FGF13: variants seen among roughly 807,000 people sequenced by gnomAD.
FGF13 encodes the protein fibroblast growth factor homologous factor 2.
In FGF13, 2 loss-of-function variants were observed where a neutral mutation model predicts 19.5. The observed-to-expected ratio is 0.10, with a 90% CI of 0.04 to 0.32. The LOEUF (loss-of-function observed/expected upper bound fraction) is 0.32, where lower values mean the gene tolerates loss of function less well. Ranked by LOEUF, FGF13 falls within the 10% of genes least tolerant of loss-of-function variation. The probability of loss-of-function intolerance (pLI) is 1.00; values close to 1 mark genes in which losing one functional copy is unlikely to be tolerated. For synonymous variants in FGF13, 72 were observed against 76.9 expected (o/e 0.94, Z 0.33); for missense variants, 113 against 192.7 (o/e 0.59, Z 2.45).
chrX:138,817,567 G>C (rs895236826), intron 3 of FGF13, among the ~76,000 whole-genome samples: 5 of 111,520 alleles, frequency 4.5e-5, no homozygotes, highest in African/African-American at 6.5e-5. Flanking sequence ...AAATGTCAGT[G>C]GTGTGTCATG....
At chrX:138,998,941 C>A (rs1257398656) in intron 1 of FGF13, among the ~76,000 whole-genome samples, 1 of 112,055 alleles carries the variant, frequency 8.9e-6, no homozygotes, top group African/African-American at 3.3e-5. Context: ...GGAAGTAAAG[C>A]ATTCCTCAGC....
At chrX:138,914,522 G>A (rs1053581773) in intron 1 of FGF13, among the ~76,000 whole-genome samples, 2 of 109,420 alleles carry the variant, frequency 1.8e-5, no homozygotes, top group African/African-American at 3.3e-5. Flanking sequence ...TCATCTCTGC[G>A]TTTTTCTTTA....
intron 3 of FGF13, among the ~76,000 whole-genome samples, chrX:138,800,723 C>G (rs7067113): frequency 1.8e-5 from 2 of 111,598 alleles, no homozygotes; most frequent in Admixed American, 9.6e-5. Flanking sequence ...ATCAATCGTA[C>G]GTTTGGTCTT....
chrX:138,952,269 T>C (rs2091817143), intron 1 of FGF13, among the ~76,000 whole-genome samples: 2 of 111,081 alleles, frequency 1.8e-5, no homozygotes, highest in South Asian at 3.8e-4. Flanking sequence ...TCAGAAATAA[T>C]GCCACATATC....
At chrX:138,914,725 T>C (rs1249150900) in intron 1 of FGF13, among the ~76,000 whole-genome samples, 1 of 107,546 alleles carries the variant, frequency 9.3e-6, no homozygotes, top group African/African-American at 3.4e-5. Flanking sequence ...AGACCTCCCA[T>C]GCTTATGTTG....
intron 3 of FGF13, among the ~76,000 whole-genome samples, chrX:138,787,422 T>A (rs2090702477): frequency 8.9e-6 from 1 of 112,542 alleles, no homozygotes; most frequent in Admixed American, 9.4e-5. Flanking sequence ...AAGATCAGGA[T>A]GCCAGCATAG....
intron 1 of FGF13, among the ~76,000 whole-genome samples, chrX:138,911,033 T>A (rs956412916): frequency 1.8e-5 from 2 of 111,244 alleles, no homozygotes; most frequent in African/African-American, 6.5e-5. Context: ...GCACTAAGGA[T>A]TTTTTTCAAG....
chrX:139,116,725 C>G (rs2083642292), intron 1 of FGF13, among the ~76,000 whole-genome samples: 1 of 110,279 alleles, frequency 9.1e-6, no homozygotes. Context: ...TCATGTTCAC[C>G]AGAAAAAGAG....
At chrX:139,059,045 A>G (rs1315348162) in intron 1 of FGF13, among the ~76,000 whole-genome samples, 1 of 111,706 alleles carries the variant, frequency 9.0e-6, no homozygotes, top group African/African-American at 3.3e-5. Context: ...AAGGGGGTGG[A>G]GAAAGAAAAA....
chrX:138,659,937 T>C (rs1319686976), intron 3 of FGF13, among the ~76,000 whole-genome samples: 1 of 110,820 alleles, frequency 9.0e-6, no homozygotes. Context: ...AGGGAGAGCT[T>C]TAGGACAAAT....
At chrX:139,003,119 C>T (rs1398580248) in intron 1 of FGF13, among the ~76,000 whole-genome samples, 1 of 111,973 alleles carries the variant, frequency 8.9e-6, no homozygotes, top group African/African-American at 3.3e-5. Context: ...AGTGTTACAG[C>T]TCTTAAGATG....
intron 1 of FGF13, among the ~76,000 whole-genome samples, chrX:138,976,418 C>T (rs2091939935): frequency 9.0e-6 from 1 of 111,334 alleles, no homozygotes; most frequent in African/African-American, 3.3e-5. Flanking sequence ...GAGCTGGAGG[C>T]CATTATTCTA....
upstream of FGF13, among the ~76,000 whole-genome samples, chrX:138,741,303 G>T (rs775562925): frequency 8.9e-5 from 10 of 111,821 alleles, no homozygotes; most frequent in Non-Finnish European, 1.5e-4. Flanking sequence ...GGCCCTGCAG[G>T]GGGCTGCACT....
intron 1 of FGF13, among the ~76,000 whole-genome samples, chrX:138,973,650 T>C (rs2091928681): frequency 8.9e-6 from 1 of 111,807 alleles, no homozygotes; most frequent in South Asian, 3.7e-4. Flanking sequence ...CTATTAATTT[T>C]TGCTTGATAC....
At chrX:138,967,246 G>A (rs1038863214) in intron 1 of FGF13, among the ~76,000 whole-genome samples, 6 of 110,048 alleles carry the variant, frequency 5.5e-5, no homozygotes, top group African/African-American at 1.3e-4. Context: ...TGTCTATGTT[G>A]TAGGATAAGA....
intron 3 of FGF13, among the ~76,000 whole-genome samples, chrX:138,782,719 G>A (rs1266418409): frequency 2.1e-5 from 2 of 93,823 alleles, no homozygotes; most frequent in African/African-American, 7.9e-5. Flanking sequence ...AATCAATATC[G>A]TGAAAATGGC....
At chrX:138,868,975 G>A (rs141052156) in intron 1 of FGF13, among the ~76,000 whole-genome samples, 2,885 of 111,013 alleles carry the variant, frequency 0.026, 92 homozygotes, top group African/African-American at 0.09. Flanking sequence ...AAATTATAGT[G>A]CAAATGTTGC....
intron 3 of FGF13, among the ~76,000 whole-genome samples, chrX:138,834,119 T>A (rs1349840263): frequency 2.7e-5 from 3 of 112,003 alleles, no homozygotes; most frequent in African/African-American, 9.7e-5. Flanking sequence ...TCTTTTTTGT[T>A]GTATCTCTGC....
At chrX:138,983,430 A>ATATATATATATT (rs2091972703) in intron 1 of FGF13, among the ~76,000 whole-genome samples, 1 of 102,452 alleles carries the variant, frequency 9.8e-6, no homozygotes. Flanking sequence ...ATATATATAT[A>ATATATATATATT]TATGAGTTTA....
Sources: allele counts gnomAD v4.1 joint callset (sites outside exome capture counted in the v4.1 genomes callset), GRCh38; gene constraint gnomAD v4.1.1; transcripts MANE v1.5; gene names NCBI Gene and HGNC (gene_info 2026-07-23, HGNC 2026-07-21).